Variants in PROX2 observed in about 807,000 individuals in gnomAD.
PROX2 encodes the protein prospero homeobox 2.
In PROX2, 46 loss-of-function variants were observed where a neutral mutation model predicts 48.9. The ratio of observed to expected loss-of-function variants is 0.94; its 90% confidence interval spans 0.74 to 1.20. The LOEUF is 1.20. PROX2 is among the 50% of genes most tolerant of loss of function. The pLI is 0.00. For synonymous variants in PROX2, 260 were observed against 276.6 expected, an observed-to-expected ratio of 0.94 and a Z score of 0.60; for missense variants, 663 against 719.4, an observed-to-expected ratio of 0.92 and a Z score of 0.90.
intron 5 of PROX2, 74 bp downstream of exon 5, chr14:74,856,727 G>GTGAAGAAAAAC: frequency 7.6e-7 from 1 of 1,321,038 alleles, no homozygotes; most frequent in Non-Finnish European, 1.1e-6. Context: ...ACAGAAGAGG[G>GTGAAGAAAAAC]ATCTTTCCTA....
chr14:74,872,804 G>T (rs946326094), intron 1 of PROX2, among the ~76,000 whole-genome samples: 4 of 152,170 alleles, frequency 2.6e-5, no homozygotes, highest in Admixed American at 2.6e-4. Context: ...TCTCTTCACT[G>T]CACTGGCTAA....
In PROX2 at chr14:74,854,190, G is replaced by A. The variant is rs1594856480; in HGVS notation, c.*942C>T. The A allele has an allele frequency of 2.3e-6, 1 of 428,312 alleles. No homozygotes were observed. Among genetic ancestry groups the A allele is most frequent in the South Asian group, 1.7e-5 (1 of 59,906 alleles). 26.5% of individuals were successfully genotyped at this position (428,312 alleles called of 1,614,324 possible). The stretch of plus-strand genomic sequence containing the variant: ...GCTTCTTCTGCATATATGAGGTTGG[G>A]GCACCAATTGCAATGGTCAGCTGGA... On this transcript the variant is annotated 3_prime_UTR_variant, in exon 6 of 6. Transcript: ENST00000556489.
chr14:74,857,029 T>C (rs768191780), intron 4 of PROX2, 34 bp from the exon 5 acceptor site: 1 of 1,587,906 alleles, frequency 6.3e-7, no homozygotes, highest in Non-Finnish European at 8.6e-7. Context: ...AGTCAGACAT[T>C]TGCCACGAGG....
In PROX2 at chr14:74,862,715, A is replaced by T. The variant is rs776159735; in HGVS notation, c.1120T>A (p.Ser374Thr). ...CAAGGTCGTAGGGCAGGCTCTGAGG[A>T]GGGGTGCCTCTGGGAAGATGAGTCC... ...PQDSSSQRHPSSEPALRPWRT... is the reference protein window; with the variant it reads ...PQDSSSQRHPTSEPALRPWRT... The change falls in exon 3 of 6, where the codon TCC (serine) becomes ACC (threonine). Residue 374 changes from serine (S) to threonine (T), a missense_variant. Ser to Thr is a moderately conservative substitution (Grantham distance 58). Coordinates refer to ENST00000556489, the MANE Select transcript of PROX2 (RefSeq NM_001243007.2). 4 of 1,613,804 alleles carry T rather than the reference A, an allele frequency of 2.5e-6. No homozygotes were observed. In the Admixed American group the frequency reaches 6.7e-5, roughly 27 times the overall value.
At chr14:74,872,996 T>G (rs1231668432) in intron 1 of PROX2, among the ~76,000 whole-genome samples, 1 of 152,144 alleles carries the variant, frequency 6.6e-6, no homozygotes, top group Non-Finnish European at 1.5e-5. Flanking sequence ...CTATTTTTTT[T>G]TTCTTTTGAG....
At chr14:74,861,750 A>T (rs1398977357) in intron 3 of PROX2, among the ~76,000 whole-genome samples, 2 of 152,160 alleles carry the variant, frequency 1.3e-5, no homozygotes, top group Non-Finnish European at 2.9e-5. Flanking sequence ...TTAATCCCCG[A>T]GGAAAACTCC....
chr14:74,856,705 A>G, intron 5 of PROX2, 96 bp downstream of exon 5: 9 of 1,100,660 alleles, frequency 8.2e-6, no homozygotes, highest in Non-Finnish European at 1.2e-5. Flanking sequence ...GCTCTCAGTA[A>G]CTTAAGGAGA....
At chr14:74,872,640 T>C (rs370912232) in intron 1 of PROX2, among the ~76,000 whole-genome samples, 4 of 152,222 alleles carry the variant, frequency 2.6e-5, no homozygotes, top group East Asian at 3.8e-4. Context: ...GTAGCACATC[T>C]CAAAGTCACA....
In PROX2 at chr14:74,856,920, T is replaced by C. The variant is rs775845357; in HGVS notation, c.1489A>G (p.Lys497Glu). 1 of 1,614,026 alleles carries C rather than the reference T, an allele frequency of 6.2e-7. No homozygotes were observed. The highest frequency in any genetic ancestry group is 8.5e-7 in the Non-Finnish European group (1 of 1,179,886). The change falls in exon 5 of 6, where the codon AAA becomes GAA. Residue 497 changes from lysine (K) to glutamate (E), a missense_variant. By Grantham distance (56) the Lys-to-Glu change is moderately conservative. Coordinates refer to ENST00000556489, the MANE Select transcript of PROX2 (RefSeq NM_001243007.2). ...TCTGAAATTGCTTGCCGGGCAGATT[T>C]TTCCATTTGGATGTAATAAAACTCA... Reference protein sequence around the residue: ...FREFYYIQMEKSARQAISDGV... With the variant: ...FREFYYIQMEESARQAISDGV...
chr14:74,867,784 C>G (rs187888000), intron 2 of PROX2, among the ~76,000 whole-genome samples: 3 of 152,234 alleles, frequency 2.0e-5, no homozygotes, highest in African/African-American at 7.2e-5. Flanking sequence ...TCCGTGTAGT[C>G]TGTGTGCTCC....
At chr14:74,856,593 A>T in intron 5 of PROX2, 1 of 567,784 alleles carries the variant, frequency 1.8e-6, no homozygotes, top group Non-Finnish European at 3.1e-6. Context: ...CAGAATGAAG[A>T]CTGGCTGTTG....
intron 2 of PROX2, among the ~76,000 whole-genome samples, chr14:74,865,613 C>T (rs1490008519): frequency 1.3e-5 from 2 of 152,208 alleles, no homozygotes; most frequent in Admixed American, 1.3e-4. Context: ...GAGGCTGAGG[C>T]GGGTGGATCA....
chr14:74,868,786 C>G (rs973257504), intron 2 of PROX2, among the ~76,000 whole-genome samples: 8 of 151,536 alleles, frequency 5.3e-5, no homozygotes, highest in Non-Finnish European at 1.0e-4. Flanking sequence ...TGCAGTGAGC[C>G]GAGATCACGC....
chr14:74,874,146 C>A (rs963686332), intron 1 of PROX2: 4 of 517,712 alleles, frequency 7.7e-6, no homozygotes, highest in Admixed American at 4.0e-5. Context: ...GCAGTATATT[C>A]TTTACACAAA....
rs1310831148 is a variant in PROX2 at position 74,853,214 on chromosome 14, T to C, written c.*1918A>G. On this transcript the variant is annotated 3_prime_UTR_variant, in exon 6 of 6. Transcript: ENST00000556489. ...GGCTCAGTCTTTAAACACACACTAA[T>C]GAATTTCAGGTTTGGGACAGAAGAA... 4 of 152,200 alleles carry C rather than the reference T, an allele frequency of 2.6e-5. No individual in the cohort carries two copies. Among genetic ancestry groups the C allele is most frequent in the African/African-American group, 9.7e-5 (4 of 41,446 alleles). The allele number at this position is 152,200 out of a possible 1,614,324, so 9.4% of individuals were successfully genotyped here. A position where few individuals can be genotyped will look rare whatever the true frequency, so the allele number is the denominator to read the frequency against.
rs769390301 is a variant in PROX2, at chr14:74,862,981, A to G, written c.854T>C (p.Leu285Ser). ...CTGGACCCTCCTGGGCAAGGCAGCC[A>G]AAGCAAGTGGATCTTTACAGGCCCC... ...VGGACKDPLALAALPRRVQLQ... is the reference protein window; with the variant it reads ...VGGACKDPLASAALPRRVQLQ... The change falls in exon 3 of 6, where the codon TTG becomes TCG. Residue 285 changes from leucine (L) to serine (S), a missense_variant. By Grantham distance (145) the Leu-to-Ser change is moderately radical. Coordinates refer to ENST00000556489, the MANE Select transcript of PROX2 (RefSeq NM_001243007.2). 6.2e-7 allele frequency: 1 copy of G among 1,613,998 alleles called. No individual in the cohort carries two copies. The highest frequency in any genetic ancestry group is 8.5e-7 in the Non-Finnish European group (1 of 1,179,882).
At chr14:74,865,529 T>C (rs1351681643) in intron 2 of PROX2, among the ~76,000 whole-genome samples, 4 of 152,136 alleles carry the variant, frequency 2.6e-5, no homozygotes, top group Non-Finnish European at 4.4e-5. Flanking sequence ...ACCACGTCAC[T>C]TGCTTTCTAA....
At chr14:74,873,411 G>A (rs1883263681) in intron 1 of PROX2, among the ~76,000 whole-genome samples, 1 of 152,184 alleles carries the variant, frequency 6.6e-6, no homozygotes, top group Non-Finnish European at 1.5e-5. Flanking sequence ...CACATGTGGT[G>A]GGCCTTGCAT....
chr14:74,875,965 C>A lies in PROX2; in HGVS notation c.-380G>T, dbSNP rs777208371. Among the ~76,000 whole-genome samples the A allele has an allele frequency of 6.6e-6, 1 of 152,332 alleles. No individual in the cohort carries two copies. Among genetic ancestry groups the A allele is most frequent in the East Asian group, 1.9e-4 (1 of 5,184 alleles). On this transcript the variant is annotated 5_prime_UTR_variant, in exon 1 of 6. Transcript: ENST00000556489. Reference sequence around the variant, plus strand: ...AGGTGGGGCCAACCACTCTAGAAGACGGAGCAGCCCACTCTTCACCAGCCC... The same window carrying A: ...AGGTGGGGCCAACCACTCTAGAAGAAGGAGCAGCCCACTCTTCACCAGCCC...
Sources: gnomAD v4.1 joint callset for allele counts (sites outside exome capture counted in the v4.1 genomes callset) on GRCh38, gnomAD v4.1.1 for gene constraint, MANE v1.5 for transcripts, NCBI Gene and HGNC (gene_info 2026-07-23, HGNC 2026-07-21) for gene names.